Variants in FOXP2 observed in about 807,000 individuals in gnomAD.
FOXP2 encodes forkhead box P2.
A neutral mutation model predicts 115.8 loss-of-function variants in FOXP2; 12 were observed. The observed-to-expected ratio is 0.10, with a 90% CI of 0.07 to 0.17. The LOEUF (loss-of-function observed/expected upper bound fraction) is 0.17. Ranked by LOEUF, FOXP2 falls within the 10% of genes least tolerant of loss-of-function variation. The probability of loss-of-function intolerance (pLI) is 1.00; values close to 1 mark genes in which losing one functional copy is unlikely to be tolerated. For missense variants in FOXP2, 629 were observed against 843.5 expected, an observed-to-expected ratio of 0.75 and a Z score of 3.15; for synonymous variants, 328 against 297.7, an observed-to-expected ratio of 1.10 and a Z score of -1.05.
intron 2 of FOXP2, among the ~76,000 whole-genome samples, chr7:114,325,420 T>C (rs973117687): frequency 1.5e-4 from 23 of 151,964 alleles, no homozygotes; most frequent in African/African-American, 5.5e-4. Flanking sequence ...AAAAATGGCA[T>C]ATTTTATCCT....
At chr7:114,164,312 G>A (rs183107507) in intron 1 of FOXP2, among the ~76,000 whole-genome samples, 43 of 149,582 alleles carry the variant, frequency 2.9e-4, no homozygotes, top group Non-Finnish European at 4.2e-4. Flanking sequence ...TGTTTTTTTC[G>A]TTTTGGACTT....
At chr7:114,122,631 G>A (rs1791596626) in intron 1 of FOXP2, among the ~76,000 whole-genome samples, 1 of 151,816 alleles carries the variant, frequency 6.6e-6, no homozygotes, top group Non-Finnish European at 1.5e-5. Flanking sequence ...TGGGCTGTCA[G>A]GTATTGCACA....
chr7:114,254,061 T>C (rs1043417345), intron 1 of FOXP2, among the ~76,000 whole-genome samples: 1 of 152,222 alleles, frequency 6.6e-6, no homozygotes, highest in Non-Finnish European at 1.5e-5. Flanking sequence ...AAGCTTAGTT[T>C]GGCTGTATAT....
chr7:114,275,266 A>G (rs1275871095), intron 1 of FOXP2, among the ~76,000 whole-genome samples: 4 of 151,764 alleles, frequency 2.6e-5, no homozygotes, highest in African/African-American at 9.7e-5. Flanking sequence ...TTCCCTCTCT[A>G]TTCTCCTCTT....
rs180745834 is a variant in FOXP2, at chr7:114,388,700, C to T, written c.-10-37802C>T. ...ATAACAAAATTTCTTAAATTTCAGCCATGGACAATTACTTGTTATTTTTCA... is the reference window on the plus strand; with the variant it reads ...ATAACAAAATTTCTTAAATTTCAGCTATGGACAATTACTTGTTATTTTTCA... On this transcript the variant is annotated intron_variant, in intron 2 of 17. Coordinates refer to the FOXP2 transcript ENST00000634411. Among the ~76,000 whole-genome samples the T allele has an allele frequency of 7.2e-5, 11 of 152,198 alleles. No homozygotes were observed. The East Asian group carries it at 2.1e-3, about 29-fold the overall frequency.
At chr7:114,153,960 C>T (rs571194674) in intron 1 of FOXP2, among the ~76,000 whole-genome samples, 5 of 152,130 alleles carry the variant, frequency 3.3e-5, no homozygotes, top group South Asian at 4.1e-4. Flanking sequence ...AACAAGGCAG[C>T]AGATGGAAGC....
intron 3 of FOXP2, among the ~76,000 whole-genome samples, chr7:114,539,220 G>C (rs761571565): frequency 2.0e-5 from 3 of 151,794 alleles, no homozygotes; most frequent in Non-Finnish European, 4.4e-5. Context: ...AAATATTCTG[G>C]AGGAAAATAC....
chr7:114,491,025 A>G (rs1313398292), intron 2 of FOXP2, among the ~76,000 whole-genome samples: 1 of 152,198 alleles, frequency 6.6e-6, no homozygotes. Flanking sequence ...ATACCCAGTA[A>G]TGGGATGGCT....
At chr7:114,138,493 A>G (rs767365244) in intron 1 of FOXP2, among the ~76,000 whole-genome samples, 2 of 150,510 alleles carry the variant, frequency 1.3e-5, no homozygotes, top group Non-Finnish European at 3.0e-5. Flanking sequence ...CCGGGTTCAC[A>G]TGATTCTCCT....
At chr7:114,621,590 G>C (rs1233626214) in intron 3 of FOXP2, among the ~76,000 whole-genome samples, 1 of 151,948 alleles carries the variant, frequency 6.6e-6, no homozygotes, top group East Asian at 1.9e-4. Flanking sequence ...GTGTCAGTTA[G>C]ACAGGCTCAT....
chr7:114,576,283 A>G (rs1801570935), intron 3 of FOXP2, among the ~76,000 whole-genome samples: 1 of 151,902 alleles, frequency 6.6e-6, no homozygotes, highest in African/African-American at 2.4e-5. Context: ...GTAATTCAAC[A>G]TATTAGTAAT....
At chr7:114,143,162 TAA>T (rs1308869407) in intron 1 of FOXP2, among the ~76,000 whole-genome samples, 4 of 148,312 alleles carry the variant, frequency 2.7e-5, no homozygotes, top group African/African-American at 9.9e-5. Context: ...ATAATAATAA[TAA>T]TAATAATAAT....
At chr7:114,634,050 A>G (rs1338371541) in intron 6 of FOXP2, among the ~76,000 whole-genome samples, 1 of 151,646 alleles carries the variant, frequency 6.6e-6, no homozygotes, top group African/African-American at 2.4e-5. Flanking sequence ...ACTAGAGTGC[A>G]GTGACGCTAA....
At chr7:114,254,547 C>T (rs1323185661) in intron 1 of FOXP2, among the ~76,000 whole-genome samples, 2 of 152,166 alleles carry the variant, frequency 1.3e-5, no homozygotes. Flanking sequence ...TTCATTTGAT[C>T]TTCAATCACT....
chr7:114,137,178 A>C (rs540731814), intron 1 of FOXP2, among the ~76,000 whole-genome samples: 1 of 152,198 alleles, frequency 6.6e-6, no homozygotes, highest in South Asian at 2.1e-4. Context: ...TTGTGAGTAT[A>C]TGTCTGTCTA....
chr7:114,336,382 C>T (rs1286952677), intron 2 of FOXP2, among the ~76,000 whole-genome samples: 5 of 151,294 alleles, frequency 3.3e-5, no homozygotes, highest in African/African-American at 9.7e-5. Context: ...AGGCATAAAC[C>T]TTAAACCTTT....
chr7:114,218,561 G>A (rs749454786), intron 1 of FOXP2, among the ~76,000 whole-genome samples: 9 of 152,110 alleles, frequency 5.9e-5, no homozygotes. Context: ...AAGACAGAAA[G>A]CTCATCAAGA....
intron 1 of FOXP2, among the ~76,000 whole-genome samples, chr7:114,148,891 C>T (rs751043122): frequency 6.6e-6 from 1 of 152,100 alleles, no homozygotes; most frequent in African/African-American, 2.4e-5. Flanking sequence ...GTTTGGATTA[C>T]TACTTTTTAT....
intron 2 of FOXP2, among the ~76,000 whole-genome samples, chr7:114,366,345 G>T (rs1023763198): frequency 1.3e-5 from 2 of 152,146 alleles, no homozygotes; most frequent in African/African-American, 2.4e-5. Context: ...CCCCTTGTGT[G>T]TTCTAATCAT....
Sources: allele counts gnomAD v4.1 joint callset (sites outside exome capture counted in the v4.1 genomes callset), GRCh38; gene constraint gnomAD v4.1.1; transcripts MANE v1.5; gene names NCBI Gene and HGNC (gene_info 2026-07-23, HGNC 2026-07-21).